The following EDIL3 variants were observed in gnomAD, a reference collection of about 807,000 sequenced individuals.
EDIL3 encodes the protein EGF-like repeat and discoidin I-like domain-containing protein 3.
A neutral mutation model predicts 67.4 loss-of-function variants in EDIL3; 37 were observed. That is an observed-to-expected ratio of 0.55 (90% CI 0.42 to 0.72). The LOEUF (loss-of-function observed/expected upper bound fraction) is 0.72, where lower values mean the gene tolerates loss of function less well. Ranked by LOEUF, EDIL3 falls within the 30% of genes least tolerant of loss-of-function variation. The pLI is 0.00. For missense variants in EDIL3, 527 were observed against 586.3 expected (o/e 0.90, Z 1.04); for synonymous variants, 195 against 196.3 (o/e 0.99, Z 0.05).
intron 1 of EDIL3, among the ~76,000 whole-genome samples, chr5:84,335,808 TATAAAGAACAGAA>T (rs1746974539): frequency 1.3e-5 from 2 of 152,146 alleles, no homozygotes; most frequent in Non-Finnish European, 2.9e-5. Flanking sequence ...CTGGGTAGTT[TATAAAGAACAGAA>T]ATTTTTTTGT....
chr5:84,383,537 C>A (rs1449526145), intron 1 of EDIL3, among the ~76,000 whole-genome samples: 1 of 152,226 alleles, frequency 6.6e-6, no homozygotes, highest in Non-Finnish European at 1.5e-5. Context: ...CAAGCTCTCA[C>A]AACTTTTCCG....
intron 4 of EDIL3, among the ~76,000 whole-genome samples, chr5:84,149,429 A>C (rs1230131041): frequency 6.6e-6 from 1 of 152,176 alleles, no homozygotes; most frequent in Non-Finnish European, 1.5e-5. Flanking sequence ...GAGGACCCAG[A>C]ATGGTTTTGT....
At chr5:84,006,092 A>G (rs1385754826) in intron 9 of EDIL3, among the ~76,000 whole-genome samples, 2 of 148,868 alleles carry the variant, frequency 1.3e-5, no homozygotes, top group African/African-American at 2.5e-5. Flanking sequence ...TAATAATAAT[A>G]ATAATAATAA....
At chr5:83,970,813 T>C (rs890464353) in intron 9 of EDIL3, among the ~76,000 whole-genome samples, 34 of 151,360 alleles carry the variant, frequency 2.2e-4, no homozygotes, top group Middle Eastern at 3.4e-3. Context: ...ATCATCATCA[T>C]CCACCAGTAT....
intron 1 of EDIL3, among the ~76,000 whole-genome samples, chr5:84,366,560 TG>T (rs1475077941): frequency 1.3e-5 from 2 of 152,226 alleles, no homozygotes; most frequent in Non-Finnish European, 2.9e-5. Context: ...TCTATAAATA[TG>T]TAACTCTCTA....
At chr5:84,172,213 C>G (rs1748824288) in intron 4 of EDIL3, among the ~76,000 whole-genome samples, 1 of 152,148 alleles carries the variant, frequency 6.6e-6, no homozygotes. Context: ...CTTTGGAGGT[C>G]TTTATTTCAC....
intron 9 of EDIL3, among the ~76,000 whole-genome samples, chr5:84,038,263 C>T (rs1319067286): frequency 1.3e-5 from 2 of 152,102 alleles, no homozygotes; most frequent in Non-Finnish European, 2.9e-5. Context: ...AATTTCCCAC[C>T]TGTGTTCCAA....
chr5:84,305,741 T>A (rs1386825979), intron 1 of EDIL3, among the ~76,000 whole-genome samples: 1 of 151,964 alleles, frequency 6.6e-6, no homozygotes, highest in Non-Finnish European at 1.5e-5. Context: ...TAGCCAGGCG[T>A]GGTGGCACGT....
intron 1 of EDIL3, among the ~76,000 whole-genome samples, chr5:84,317,225 T>C (rs1004360961): frequency 1.8e-4 from 27 of 151,668 alleles, no homozygotes; most frequent in African/African-American, 6.5e-4. Flanking sequence ...GCAAACACAT[T>C]CAAAAGCTAG....
intron 1 of EDIL3, among the ~76,000 whole-genome samples, chr5:84,324,887 T>G (rs192670695): frequency 7.9e-5 from 12 of 151,302 alleles, no homozygotes; most frequent in Admixed American, 7.9e-4. Context: ...AGACCTATAA[T>G]TGGTAAGAAG....
intron 2 of EDIL3, among the ~76,000 whole-genome samples, chr5:84,236,724 G>T (rs1022048108): frequency 8.6e-5 from 13 of 151,622 alleles, no homozygotes; most frequent in African/African-American, 3.1e-4. Flanking sequence ...TTTTTGGAAA[G>T]TTGTCCAATT....
At chr5:84,294,179 C>T (rs900923028) in intron 1 of EDIL3, among the ~76,000 whole-genome samples, 1 of 151,754 alleles carries the variant, frequency 6.6e-6, no homozygotes, top group Non-Finnish European at 1.5e-5. Flanking sequence ...GTCAGGAGAT[C>T]GAGACCATCC....
intron 9 of EDIL3, among the ~76,000 whole-genome samples, chr5:84,045,732 C>T (rs748325641): frequency 1.3e-5 from 2 of 152,096 alleles, no homozygotes; most frequent in Non-Finnish European, 2.9e-5. Context: ...AGACATTAGA[C>T]ATTTGAAAGT....
chr5:84,339,808 G>A (rs911346396), intron 1 of EDIL3, among the ~76,000 whole-genome samples: 2 of 151,874 alleles, frequency 1.3e-5, no homozygotes, highest in African/African-American at 4.8e-5. Flanking sequence ...TAAGAATTCA[G>A]AAAAGAAAAG....
At chr5:84,123,702 T>C (rs74882845) in intron 5 of EDIL3, among the ~76,000 whole-genome samples, 2,975 of 151,930 alleles carry the variant, frequency 0.02, 112 homozygotes, top group African/African-American at 0.068. Context: ...ATTGTTAAGG[T>C]AGAATACTAA....
chr5:83,987,610 C>T (rs564874672), intron 9 of EDIL3, among the ~76,000 whole-genome samples: 16 of 151,990 alleles, frequency 1.1e-4, no homozygotes, highest in Admixed American at 2.6e-4. Context: ...TGTGTATCTG[C>T]GGCTTATATT....
chr5:84,128,190 G>C (rs957435496), intron 5 of EDIL3, among the ~76,000 whole-genome samples: 1 of 152,106 alleles, frequency 6.6e-6, no homozygotes, highest in African/African-American at 2.4e-5. Context: ...TGCCAGTCAA[G>C]TTTTATTGCA....
intron 6 of EDIL3, among the ~76,000 whole-genome samples, chr5:84,091,999 T>C (rs1053793594): frequency 1.3e-5 from 2 of 152,068 alleles, no homozygotes; most frequent in African/African-American, 4.8e-5. Flanking sequence ...TAAGAAACTC[T>C]CAAAAATGAT....
Position 84,360,704 on chromosome 5 carries a change from C to T in EDIL3, c.67+23604G>A, listed in dbSNP as rs535558283. Among the ~76,000 whole-genome samples, 6 of 152,202 alleles carry T rather than the reference C, an allele frequency of 3.9e-5. No individual in the cohort carries two copies. The East Asian group carries it at 9.7e-4, about 25-fold the overall frequency. On this transcript the variant is annotated intron_variant, in intron 1 of 10. Transcript: ENST00000296591. ...CTGGTATACATCCAAGAAATCTTATCACATATTGGCATGGCAAAAAGTGGT... is the reference window on the plus strand; with the variant it reads ...CTGGTATACATCCAAGAAATCTTATTACATATTGGCATGGCAAAAAGTGGT...
Sources: gnomAD v4.1 joint callset for allele counts (sites outside exome capture counted in the v4.1 genomes callset) on GRCh38, gnomAD v4.1.1 for gene constraint, MANE v1.5 for transcripts, NCBI Gene and HGNC (gene_info 2026-07-23, HGNC 2026-07-21) for gene names.